EMCN: variants seen among roughly 807,000 people sequenced by gnomAD.
The protein encoded by EMCN is endomucin, also known as MUC-14.
A neutral mutation model predicts 38.4 loss-of-function variants in EMCN; 37 were observed. The ratio of observed to expected loss-of-function variants is 0.96; its 90% CI spans 0.74 to 1.27. The LOEUF (loss-of-function observed/expected upper bound fraction) is 1.27. EMCN is among the 50% of genes most tolerant of loss of function. The probability of loss-of-function intolerance (pLI) is 0.00; values close to 1 mark genes in which losing one functional copy is unlikely to be tolerated. For missense variants in EMCN, 318 were observed against 302.8 expected (o/e 1.05, Z -0.37); for synonymous variants, 95 against 100.8 (o/e 0.94, Z 0.35).
intron 4 of EMCN, among the ~76,000 whole-genome samples, chr4:100,450,084 T>C (rs1727795794): frequency 6.6e-6 from 1 of 152,026 alleles, no homozygotes; most frequent in African/African-American, 2.4e-5. Context: ...ATTATTCCTG[T>C]TTATTATTTA....
intron 5 of EMCN, among the ~76,000 whole-genome samples, chr4:100,431,048 C>T (rs891309945): frequency 6.6e-6 from 1 of 152,078 alleles, no homozygotes; most frequent in Non-Finnish European, 1.5e-5. Flanking sequence ...GGGTCAGCAG[C>T]CAATGCCCAA....
chr4:100,448,829 TCCCTCCCTCCCTC>T (rs1727757369), intron 4 of EMCN, among the ~76,000 whole-genome samples: 3 of 147,358 alleles, frequency 2.0e-5, no homozygotes, highest in African/African-American at 5.1e-5. Context: ...CCTTCCTCCC[TCCCTCCCTCCCTC>T]CCTTCCTTGC....
rs913482909 is a variant in EMCN at position 100,504,580 on chromosome 4, A to G, written c.64+13271T>C. ...AGGGAAAACCAGGCCATACAGAGAT[A>G]GGAGCTGAAGGGAGATAGTGAGAAG... On this transcript the variant is annotated intron_variant, in intron 1 of 11. Coordinates refer to ENST00000296420, the MANE Select transcript of EMCN (RefSeq NM_016242.4). 5.2e-5 allele frequency among the ~76,000 whole-genome samples: 3 copies of G among 57,800 alleles called. No homozygotes were observed. In the East Asian group the frequency reaches 6.0e-3, roughly 115 times the overall value. 37.9% of individuals were successfully genotyped at this position (57,800 alleles called of 152,430 possible).
intron 1 of EMCN, among the ~76,000 whole-genome samples, chr4:100,515,498 C>T (rs1436471998): frequency 6.6e-6 from 1 of 151,952 alleles, no homozygotes; most frequent in African/African-American, 2.4e-5. Context: ...TCACAAACAG[C>T]ATGAAAGACT....
chr4:100,409,911 A>G (rs913710035), intron 11 of EMCN, among the ~76,000 whole-genome samples: 1 of 152,358 alleles, frequency 6.6e-6, no homozygotes, highest in Admixed American at 6.5e-5. Flanking sequence ...ATTTGCAAGC[A>G]CCGTCACTTG....
At chr4:100,423,666 C>T (rs751442484) in intron 5 of EMCN, among the ~76,000 whole-genome samples, 7 of 152,016 alleles carry the variant, frequency 4.6e-5, no homozygotes, top group East Asian at 1.9e-4. Flanking sequence ...AGTTTTTTAG[C>T]GTAGATTACA....
At chr4:100,491,145 G>C (rs1729066410) in intron 1 of EMCN, among the ~76,000 whole-genome samples, 1 of 151,988 alleles carries the variant, frequency 6.6e-6, no homozygotes, top group Admixed American at 6.6e-5. Context: ...GATGTATAGG[G>C]CTTTTTATTT....
intron 11 of EMCN, among the ~76,000 whole-genome samples, chr4:100,400,896 C>T (rs1218469552): frequency 2.0e-5 from 3 of 151,886 alleles, no homozygotes; most frequent in African/African-American, 4.8e-5. Flanking sequence ...TTTTTTACAA[C>T]ATTATAATCC....
chr4:100,450,971 G>T (rs868855420), intron 4 of EMCN, among the ~76,000 whole-genome samples: 1 of 151,686 alleles, frequency 6.6e-6, no homozygotes, highest in Non-Finnish European at 1.5e-5. Flanking sequence ...CAGTTTACTT[G>T]GTTATTTTAA....
rs779082250 is a variant in EMCN at position 100,421,324 on chromosome 4, C to A, written c.622G>T (p.Val208Phe). Residue 208 changes from valine (V) to phenylalanine (F), a missense_variant, in exon 8 of 12, where the codon GTT (valine) becomes TTT (phenylalanine). Transcript: ENST00000296420. ...ALIVITLSVFVLVGLYRMCWK... is the reference protein window; with the variant it reads ...ALIVITLSVFFLVGLYRMCWK... ...CACATTCGGTACAAACCCACCAGAA[C>A]AAATACTGAAAGTGTTATTACAATC... is the stretch of plus-strand genomic sequence containing the variant. 1.2e-6 allele frequency: 2 copies of A among 1,612,768 alleles called. No homozygotes were observed. Among genetic ancestry groups the A allele is most frequent in the African/African-American group, 1.3e-5 (1 of 74,828 alleles).
At chr4:100,433,352 A>G (rs1578191045) in intron 5 of EMCN, among the ~76,000 whole-genome samples, 1 of 152,306 alleles carries the variant, frequency 6.6e-6, no homozygotes. Flanking sequence ...TTCTTTATCC[A>G]TTCATCCATT....
At chr4:100,509,090 G>A (rs1360028791) in intron 1 of EMCN, among the ~76,000 whole-genome samples, 3 of 152,130 alleles carry the variant, frequency 2.0e-5, no homozygotes, top group Non-Finnish European at 4.4e-5. Context: ...GGCTAGCTAC[G>A]AAATATCACC....
chr4:100,512,226 A>G (rs1329806957), intron 1 of EMCN, among the ~76,000 whole-genome samples: 2 of 152,228 alleles, frequency 1.3e-5, no homozygotes, highest in African/African-American at 2.4e-5. Flanking sequence ...GATTATCTCT[A>G]CATATATCAT....
In EMCN at chr4:100,423,082, T is replaced by C. The variant is rs141262429; in HGVS notation, c.509-2A>G. The C allele has an allele frequency of 6.5e-5, 105 of 1,612,844 alleles. 1 individual carries two copies. In the South Asian group the frequency reaches 1.1e-3, roughly 17 times the overall value. On this transcript the variant is annotated splice_acceptor_variant, in intron 6 of 11. Transcript: ENST00000296420. LOFTEE classifies it high-confidence loss of function. ...TTTTTCCACCCTCAGTGCCTATTAC[T>C]TTAAGAAAGAAAAAAACAAGTCACT...
chr4:100,491,144 G>T (rs959072170), intron 1 of EMCN, among the ~76,000 whole-genome samples: 1 of 151,878 alleles, frequency 6.6e-6, no homozygotes, highest in South Asian at 2.1e-4. Flanking sequence ...TGATGTATAG[G>T]GCTTTTTATT....
At chr4:100,447,319 C>T (rs1322193717) in intron 5 of EMCN, among the ~76,000 whole-genome samples, 2 of 152,132 alleles carry the variant, frequency 1.3e-5, no homozygotes, top group South Asian at 2.1e-4. Flanking sequence ...GCTGGCTCCA[C>T]TCACCTTAGT....
chr4:100,404,769 A>G (rs1056679482), intron 11 of EMCN, among the ~76,000 whole-genome samples: 6 of 152,086 alleles, frequency 3.9e-5, no homozygotes, highest in South Asian at 2.1e-4. Context: ...GTAGTTTGAT[A>G]GAGAATAACA....
At chr4:100,472,994 A>G (rs1307827983) in intron 3 of EMCN, among the ~76,000 whole-genome samples, 1 of 144,326 alleles carries the variant, frequency 6.9e-6, no homozygotes, top group Non-Finnish European at 1.5e-5. Flanking sequence ...TATATTCTAG[A>G]AGTATATATA....
intron 3 of EMCN, among the ~76,000 whole-genome samples, chr4:100,469,945 T>TAGTTTAATAGACA (rs1728429148): frequency 6.6e-6 from 1 of 151,864 alleles, no homozygotes; most frequent in African/African-American, 2.4e-5. Context: ...TTTTCAATGT[T>TAGTTTAATAGACA]AGTTTAATAG....
Sources: gnomAD v4.1 joint callset for allele counts (sites outside exome capture counted in the v4.1 genomes callset) on GRCh38, gnomAD v4.1.1 for gene constraint, MANE v1.5 for transcripts, NCBI Gene and HGNC (gene_info 2026-07-23, HGNC 2026-07-21) for gene names.